Variants in SRGAP2C observed in about 807,000 individuals in gnomAD.
SRGAP2C encodes SLIT-ROBO Rho GTPase activating protein 2C, also known as SLIT-ROBO Rho GTPase-activating protein 2C.
SRGAP2C carries 15 observed loss-of-function variants against 25.1 expected under a neutral mutation model. The ratio of observed to expected loss-of-function variants is 0.60; its 90% CI spans 0.40 to 0.92. SRGAP2C has a LOEUF of 0.92. Ranked by LOEUF, SRGAP2C falls within the 40% of genes least tolerant of loss-of-function variation. The probability of loss-of-function intolerance (pLI) is 0.00; values close to 1 mark genes in which losing one functional copy is unlikely to be tolerated. For missense variants in SRGAP2C, 144 were observed against 264.4 expected (o/e 0.54, Z 3.16); for synonymous variants, 44 against 96.6 (o/e 0.46, Z 3.19).
intron 4 of SRGAP2C, among the ~76,000 whole-genome samples, chr1:121,353,091 A>G (rs1658966751): frequency 1.3e-5 from 2 of 150,620 alleles, no homozygotes; most frequent in South Asian, 2.1e-4. Context: ...CTCCATCTCC[A>G]AAAAAAAGAA....
At position 121,230,504 on chromosome 1, in the gene SRGAP2C, G is replaced by T. The variant is rs368409263; in HGVS notation, c.67+42991G>T. On this transcript the variant is annotated intron_variant, in intron 2 of 9. Coordinates refer to ENST00000367123, the MANE Select transcript of SRGAP2C (RefSeq NM_001329984.2). ...TCACTGTGTTTCCTACTACTCTCCT[G>T]CTCTTTCTCCTCTTAATAAACACTG... 1.6e-4 allele frequency among the ~76,000 whole-genome samples: 15 copies of T among 93,728 alleles called. 1 individual carries two copies. In the South Asian group the frequency reaches 6.3e-3, roughly 39 times the overall value. The allele number at this position is 93,728 out of a possible 152,430, so 61.5% of individuals were successfully genotyped here. A position where few individuals can be genotyped will look rare whatever the true frequency, so the allele number is the denominator to read the frequency against.
intron 2 of SRGAP2C, among the ~76,000 whole-genome samples, chr1:121,191,909 T>A (rs1553319850): frequency 6.6e-6 from 1 of 150,418 alleles, no homozygotes; most frequent in African/African-American, 2.4e-5. Context: ...TTTTTTTTTT[T>A]TTTTTAATGT....
At position 121,374,971 on chromosome 1, in the gene SRGAP2C, A is replaced by G. The variant is rs782571787; in HGVS notation, c.831+17A>G. On this transcript the variant is annotated intron_variant, in intron 7 of 9. Transcript: ENST00000367123. ...CTTATTGATGTAAGTGCTTAAAGCC[A>G]AGGGCCTGAGGGCCCCTCTTTTCTG... 5.0e-5 allele frequency: 39 copies of G among 774,816 alleles called. No homozygotes were observed. The highest frequency in any genetic ancestry group is 1.5e-4 in the Admixed American group (9 of 58,286). 48.0% of individuals were successfully genotyped at this position (774,816 alleles called of 1,614,324 possible). A position where few individuals can be genotyped will look rare whatever the true frequency, so the allele number is the denominator to read the frequency against.
At chr1:121,337,673 T>C (rs1297095837) in intron 4 of SRGAP2C, among the ~76,000 whole-genome samples, 1 of 145,204 alleles carries the variant, frequency 6.9e-6, no homozygotes. Flanking sequence ...TAAAAATGCC[T>C]CTCTGAGAAA....
chr1:121,219,276 A>G (rs1285982627), intron 2 of SRGAP2C, among the ~76,000 whole-genome samples: 2 of 126,824 alleles, frequency 1.6e-5, no homozygotes, highest in Non-Finnish European at 3.2e-5. Context: ...AGAAGTTGGT[A>G]TGTCACATAA....
rs587757783 is a variant in SRGAP2C, at chr1:121,206,137, C to G, written c.67+18624C>G. Among the ~76,000 whole-genome samples, 35 of 151,396 alleles carry G rather than the reference C, an allele frequency of 2.3e-4. No homozygotes were observed. The South Asian group carries it at 4.2e-3, about 18-fold the overall frequency. On this transcript the variant is annotated intron_variant, in intron 2 of 9. Coordinates refer to ENST00000367123, the MANE Select transcript of SRGAP2C (RefSeq NM_001329984.2). ...TTCCCACAGCCCCCACCGTGCTTACCGCTCCTGCATCACTTCCTACACCCT... is the reference window on the plus strand; with the variant it reads ...TTCCCACAGCCCCCACCGTGCTTACGGCTCCTGCATCACTTCCTACACCCT...
intron 2 of SRGAP2C, among the ~76,000 whole-genome samples, chr1:121,254,884 A>T (rs1195915653): frequency 6.6e-6 from 1 of 151,810 alleles, no homozygotes; most frequent in East Asian, 1.9e-4. Context: ...GCCCTTGAAC[A>T]GGGGAAGAGG....
At chr1:121,217,203 C>G (rs868931025) in intron 2 of SRGAP2C, among the ~76,000 whole-genome samples, 10 of 151,886 alleles carry the variant, frequency 6.6e-5, no homozygotes, top group African/African-American at 1.2e-4. Context: ...GAAGTTGAAA[C>G]TGAAAATGCC....
rs587634347 is a variant in SRGAP2C, at chr1:121,258,221, GA to G, written c.68-26579del. ...GGCTGGGAACTCTGCTTGCAGATGAGAAATAAACCTACCTCTCTCCAGGGCA... is the reference window on the plus strand; with the variant it reads ...GGCTGGGAACTCTGCTTGCAGATGAGAATAAACCTACCTCTCTCCAGGGCA... On this transcript the variant is annotated intron_variant, in intron 2 of 9. Transcript: ENST00000367123. 7.4e-3 allele frequency among the ~76,000 whole-genome samples: 1,125 copies of G among 151,478 alleles called. 13 individuals carry two copies. Among genetic ancestry groups the G allele is most frequent in the African/African-American group, 0.026 (1,079 of 41,244 alleles).
intron 4 of SRGAP2C, among the ~76,000 whole-genome samples, chr1:121,346,998 C>T (rs587641473): frequency 2.6e-5 from 4 of 152,022 alleles, no homozygotes; most frequent in South Asian, 4.2e-4. Flanking sequence ...AACTCAGGGC[C>T]GGGGTAGGGG....
intron 2 of SRGAP2C, among the ~76,000 whole-genome samples, chr1:121,279,046 G>T (rs1657177533): frequency 1.3e-5 from 2 of 152,030 alleles, no homozygotes; most frequent in South Asian, 4.1e-4. Context: ...AGGCAGATTG[G>T]GTGGAAAAAG....
intron 4 of SRGAP2C, among the ~76,000 whole-genome samples, chr1:121,346,915 TC>T (rs1480787351): frequency 7.9e-5 from 12 of 152,000 alleles, no homozygotes; most frequent in Non-Finnish European, 1.2e-4. Context: ...CCTCATGCCC[TC>T]CTCAAATGCA....
chr1:121,296,315 G>A (rs1453854761), intron 3 of SRGAP2C, among the ~76,000 whole-genome samples: 10 of 150,912 alleles, frequency 6.6e-5, no homozygotes, highest in South Asian at 2.1e-4. Context: ...AATAGTAAGA[G>A]TTTAGAAGAA....
chr1:121,288,771 C>A lies in SRGAP2C; in HGVS notation c.260+3776C>A, dbSNP rs1215671718. 5.2e-5 allele frequency among the ~76,000 whole-genome samples: 3 copies of A among 58,166 alleles called. 1 individual carries two copies. Among genetic ancestry groups the A allele is most frequent in the Non-Finnish European group, 1.0e-4 (3 of 29,218 alleles). 38.2% of individuals were successfully genotyped at this position (58,166 alleles called of 152,430 possible). A position where few individuals can be genotyped will look rare whatever the true frequency, so the allele number is the denominator to read the frequency against. Reference sequence around the variant, plus strand: ...TAGATACAGAGTGTCGATTGGTGCACTCACAAATCTTGAGCTAAACACAGG... The same window carrying A: ...TAGATACAGAGTGTCGATTGGTGCAATCACAAATCTTGAGCTAAACACAGG... On this transcript the variant is annotated intron_variant, in intron 3 of 9. Transcript: ENST00000367123.
At chr1:121,378,580 TAAAAAGGGCC>T (rs1659729934) in intron 7 of SRGAP2C, among the ~76,000 whole-genome samples, 1 of 150,308 alleles carries the variant, frequency 6.7e-6, no homozygotes, top group East Asian at 2.0e-4. Context: ...ACCTATGAGA[TAAAAAGGGCC>T]AAAAGGATGC....
chr1:121,295,094 G>T (rs1657568355), intron 3 of SRGAP2C, among the ~76,000 whole-genome samples: 1 of 95,854 alleles, frequency 1.0e-5, no homozygotes, highest in African/African-American at 4.1e-5. Flanking sequence ...AAAGAAAATG[G>T]CTCTTGAGAG....
chr1:121,201,595 G>T (rs1179994435), intron 2 of SRGAP2C, among the ~76,000 whole-genome samples: 6 of 152,360 alleles, frequency 3.9e-5, no homozygotes, highest in Middle Eastern at 6.8e-3. Flanking sequence ...GCGTGTGCGC[G>T]CACGCACACA....
In SRGAP2C at chr1:121,270,832, G is replaced by A. The variant is rs1454287950; in HGVS notation, c.68-13971G>A. On this transcript the variant is annotated intron_variant, in intron 2 of 9. Coordinates refer to ENST00000367123, the MANE Select transcript of SRGAP2C (RefSeq NM_001329984.2). ...TTTTGAGACGGAGTCTCGCTCTGTCGCCCAGGCTGGAGTGCAGTGGTGCCA... is the reference window on the plus strand; with the variant it reads ...TTTTGAGACGGAGTCTCGCTCTGTCACCCAGGCTGGAGTGCAGTGGTGCCA... Among the ~76,000 whole-genome samples, 52 of 146,612 alleles carry A rather than the reference G, an allele frequency of 3.5e-4. 1 individual carries two copies. Among genetic ancestry groups the A allele is most frequent in the African/African-American group, 1.1e-3 (41 of 38,922 alleles).
intron 4 of SRGAP2C, among the ~76,000 whole-genome samples, chr1:121,355,349 G>C (rs587704984): frequency 2.4e-4 from 16 of 66,652 alleles, no homozygotes; most frequent in African/African-American, 9.7e-4. Context: ...ACGGAGTTTC[G>C]CTCTGTCACC....
Sources: gnomAD v4.1 joint callset for allele counts (sites outside exome capture counted in the v4.1 genomes callset) on GRCh38, gnomAD v4.1.1 for gene constraint, MANE v1.5 for transcripts, NCBI Gene and HGNC (gene_info 2026-07-23, HGNC 2026-07-21) for gene names.